DSCAM: variants seen among roughly 807,000 people sequenced by gnomAD.
The protein encoded by DSCAM is cell adhesion molecule DSCAM.
In DSCAM, 47 loss-of-function variants were observed where a neutral mutation model predicts 217.7. The ratio of observed to expected loss-of-function variants is 0.22; its 90% CI spans 0.17 to 0.28. DSCAM has a LOEUF of 0.28. Ranked by LOEUF, DSCAM falls within the 10% of genes least tolerant of loss-of-function variation. The pLI, the probability that DSCAM is intolerant of heterozygous loss-of-function variation, is 1.00. For synonymous variants in DSCAM, 1,056 were observed against 1,015.3 expected, an observed-to-expected ratio of 1.04 and a Z score of -0.76; for missense variants, 2,080 against 2,618.3, an observed-to-expected ratio of 0.79 and a Z score of 4.49.
rs1385609009 is a variant in DSCAM, at chr21:40,339,230, C to A, written c.1396G>T (p.Val466Phe). 6.2e-7 allele frequency: 1 copy of A among 1,614,072 alleles called. No individual in the cohort carries two copies. Among genetic ancestry groups the A allele is most frequent in the Non-Finnish European group, 8.5e-7 (1 of 1,180,050 alleles). Residue 466 changes from valine (V) to phenylalanine (F), a missense_variant, in exon 7 of 33, where the codon GTC (valine) becomes TTC (phenylalanine). By Grantham distance (50) the Val-to-Phe change is conservative. Around this residue, in one of 5 missense-constraint regions of DSCAM, gnomAD observed 568 missense variants for 678.1 expected, o/e 0.84. Coordinates refer to ENST00000400454, the MANE Select transcript of DSCAM (RefSeq NM_001389.5). ...SQMITSEGNVVSYLNISSSQV... is the reference protein window; with the variant it reads ...SQMITSEGNVFSYLNISSSQV... ...GAGCTGGAGATGTTCAGGTAGCTGA[C>A]CACGTTCCCCTCCGACGTGATCATC...
chr21:40,683,531 C>A (rs759564384), intron 3 of DSCAM, among the ~76,000 whole-genome samples: 1 of 152,068 alleles, frequency 6.6e-6, no homozygotes, highest in Non-Finnish European at 1.5e-5. Context: ...ACTGGGGGAC[C>A]TGAGCACCTG....
chr21:40,806,931 AG>A (rs2123522985), intron 1 of DSCAM, among the ~76,000 whole-genome samples: 1 of 151,572 alleles, frequency 6.6e-6, no homozygotes, highest in Non-Finnish European at 1.5e-5. Context: ...GGACATGGGG[AG>A]GGGAACATCA....
At chr21:40,592,676 A>T (rs1008999589) in intron 3 of DSCAM, among the ~76,000 whole-genome samples, 2 of 152,154 alleles carry the variant, frequency 1.3e-5, no homozygotes, top group African/African-American at 4.8e-5. Context: ...TCACTTGCCA[A>T]GGGAGACCTT....
chr21:40,287,621 G>C (rs8134577), intron 10 of DSCAM, among the ~76,000 whole-genome samples: 2,062 of 152,300 alleles, frequency 0.014, 51 homozygotes, highest in African/African-American at 0.047. Flanking sequence ...GGAGTGCCTA[G>C]TTTTATTTCT....
At chr21:40,072,583 C>T (rs979940636) in intron 27 of DSCAM, among the ~76,000 whole-genome samples, 6 of 151,990 alleles carry the variant, frequency 3.9e-5, no homozygotes, top group South Asian at 2.1e-4. Context: ...CTCCTGACCT[C>T]GTGATCCGCC....
At chr21:40,841,459 G>C (rs2092100715) in intron 1 of DSCAM, among the ~76,000 whole-genome samples, 1 of 152,186 alleles carries the variant, frequency 6.6e-6, no homozygotes, top group African/African-American at 2.4e-5. Flanking sequence ...TATAGTTGGG[G>C]GGAGGGGCGC....
intron 17 of DSCAM, 82 bp from the exon 18 acceptor site, chr21:40,142,786 T>A: frequency 6.7e-7 from 1 of 1,484,628 alleles, no homozygotes; most frequent in Non-Finnish European, 9.0e-7. Flanking sequence ...CGTATTTTAA[T>A]ATTTCAATAT....
At chr21:40,451,560 T>C (rs191018698) in intron 3 of DSCAM, among the ~76,000 whole-genome samples, 338 of 152,298 alleles carry the variant, frequency 2.2e-3, no homozygotes, top group African/African-American at 7.6e-3. Flanking sequence ...CAGGTATATA[T>C]AGCTGTCAGA....
intron 16 of DSCAM, among the ~76,000 whole-genome samples, chr21:40,156,324 A>AGAGG (rs2090478238): frequency 6.7e-6 from 1 of 148,720 alleles, no homozygotes; most frequent in Admixed American, 6.8e-5. Flanking sequence ...AGAGAGAGAG[A>AGAGG]GAGAGAGAGA....
chr21:40,080,149 T>G lies in DSCAM; in HGVS notation c.4420+3A>C, dbSNP rs756837879. 3 of 1,526,002 alleles carry G rather than the reference T, an allele frequency of 2.0e-6. No homozygotes were observed. Among genetic ancestry groups the G allele is most frequent in the Non-Finnish European group, 2.6e-6 (3 of 1,132,942 alleles). The allele number at this position is 1,526,002 out of a possible 1,614,324, so 94.5% of individuals were successfully genotyped here. The stretch of plus-strand genomic sequence containing the variant: ...TTAAGAAGCGATGAGAAGGCATACC[T>G]ACCTTTTCCTAAGGTCTTTGCTTCT... On this transcript the variant is annotated splice_donor_region_variant and intron_variant, in intron 25 of 32. Transcript: ENST00000400454.
At chr21:40,659,654 G>A (rs2090117544) in intron 3 of DSCAM, among the ~76,000 whole-genome samples, 2 of 151,160 alleles carry the variant, frequency 1.3e-5, no homozygotes, top group South Asian at 4.2e-4. Flanking sequence ...CTATGTATAT[G>A]CCTATCTATC....
chr21:40,508,763 ATATATATATATATATATATATTTTTTT>A (rs2076233059), intron 3 of DSCAM, among the ~76,000 whole-genome samples: 1 of 3,818 alleles, frequency 2.6e-4, no homozygotes, highest in African/African-American at 1.1e-3. Context: ...ATATATATAT[ATATATATATATATATATATATTTTTTT>A]TTTTTTTTTT....
intron 4 of DSCAM, among the ~76,000 whole-genome samples, chr21:40,360,124 T>G (rs1485039361): frequency 8.1e-5 from 3 of 36,986 alleles, no homozygotes; most frequent in Non-Finnish European, 1.4e-4. Context: ...ATAGGTAGTC[T>G]TTTTTTTTTT....
chr21:40,412,966 A>C (rs2075337103), intron 3 of DSCAM, among the ~76,000 whole-genome samples: 1 of 152,254 alleles, frequency 6.6e-6, no homozygotes, highest in Admixed American at 6.5e-5. Context: ...GAAAGGGACC[A>C]ACATAGAGCT....
At chr21:40,515,752 C>G (rs1428218945) in intron 3 of DSCAM, among the ~76,000 whole-genome samples, 2 of 152,132 alleles carry the variant, frequency 1.3e-5, no homozygotes, top group East Asian at 3.8e-4. Flanking sequence ...ACTCAGCGCA[C>G]TCGTAGGCAA....
chr21:40,193,583 C>G (rs1324015703), intron 11 of DSCAM, among the ~76,000 whole-genome samples: 2 of 152,170 alleles, frequency 1.3e-5, no homozygotes, highest in African/African-American at 4.8e-5. Context: ...GCCCCAATTC[C>G]TGATGAGTGT....
chr21:40,270,656 T>A (rs554164774), intron 11 of DSCAM, among the ~76,000 whole-genome samples: 2 of 152,036 alleles, frequency 1.3e-5, no homozygotes, highest in South Asian at 4.1e-4. Flanking sequence ...AGGGGCTTGG[T>A]GGGAGGTGAT....
At chr21:40,743,411 C>T (rs2091144520) in intron 1 of DSCAM, among the ~76,000 whole-genome samples, 1 of 152,050 alleles carries the variant, frequency 6.6e-6, no homozygotes, top group Admixed American at 6.6e-5. Flanking sequence ...CCACTTGGGG[C>T]CTGTCACCTG....
In DSCAM at chr21:40,442,669, G is replaced by A. The variant is rs183313367; in HGVS notation, c.509-73424C>T. 1.3e-4 allele frequency among the ~76,000 whole-genome samples: 19 copies of A among 151,812 alleles called. No individual in the cohort carries two copies. In the South Asian group the frequency reaches 2.7e-3, roughly 22 times the overall value. ...TGAATAGCTGGGAGCACACCATCAC[G>A]CTCGGCAAATTTTTGTATTTTCAGT... On this transcript the variant is annotated intron_variant, in intron 3 of 32. Transcript: ENST00000400454.
Sources: allele counts gnomAD v4.1 joint callset (sites outside exome capture counted in the v4.1 genomes callset), GRCh38; gene constraint gnomAD v4.1.1; regional missense constraint gnomAD v4.1.1; transcripts MANE v1.5; gene names NCBI Gene and HGNC (gene_info 2026-07-23, HGNC 2026-07-21).